KCNK13: variants seen among roughly 807,000 people sequenced by gnomAD.
The protein encoded by KCNK13 is potassium two pore domain channel subfamily K member 13, also known as potassium channel subfamily K member 13.
Under a neutral mutation model 23.4 loss-of-function variants are expected in KCNK13, and 12 were observed. That is an observed-to-expected ratio of 0.51 (90% CI 0.33 to 0.83). KCNK13 has a LOEUF of 0.83. KCNK13 is among the 40% of genes least tolerant of loss of function. The pLI is 0.02. For synonymous variants in KCNK13, 231 were observed against 229.5 expected (o/e 1.01, Z -0.06); for missense variants, 463 against 556.3 (o/e 0.83, Z 1.69).
intron 1 of KCNK13, among the ~76,000 whole-genome samples, chr14:90,125,043 G>A (rs1889780198): frequency 6.6e-6 from 1 of 152,086 alleles, no homozygotes; most frequent in Non-Finnish European, 1.5e-5. Flanking sequence ...CCAGCTAAAA[G>A]GAGAATGAAG....
rs75589521 is a variant in KCNK13 at position 90,133,228 on chromosome 14, C to A, written c.335-50883C>A. On this transcript the variant is annotated intron_variant, in intron 1 of 1. Coordinates refer to ENST00000282146, the MANE Select transcript of KCNK13 (RefSeq NM_022054.4). Reference sequence around the variant, plus strand: ...ATTACTAGTCTCATTTTGTACGTGACAAATCAGGCACAGACCTCAAAAACA... The same window carrying A: ...ATTACTAGTCTCATTTTGTACGTGAAAAATCAGGCACAGACCTCAAAAACA... Among the ~76,000 whole-genome samples, 730 of 152,280 alleles carry A rather than the reference C, an allele frequency of 4.8e-3. 8 individuals carry two copies. Among genetic ancestry groups the A allele is most frequent in the African/African-American group, 0.017 (697 of 41,552 alleles).
At chr14:90,127,753 A>C (rs1235717797) in intron 1 of KCNK13, among the ~76,000 whole-genome samples, 1 of 142,488 alleles carries the variant, frequency 7.0e-6, no homozygotes, top group African/African-American at 2.6e-5. Context: ...CAGGAGTTCG[A>C]GGCTGCAGTG....
intron 1 of KCNK13, among the ~76,000 whole-genome samples, chr14:90,157,379 A>G (rs1322760442): frequency 3.9e-5 from 6 of 152,128 alleles, no homozygotes; most frequent in Non-Finnish European, 8.8e-5. Context: ...CCACGAAAAA[A>G]AAGTGTCGGC....
At chr14:90,081,598 A>G (rs903924523) in intron 1 of KCNK13, among the ~76,000 whole-genome samples, 4 of 152,214 alleles carry the variant, frequency 2.6e-5, no homozygotes, top group Non-Finnish European at 4.4e-5. Flanking sequence ...ACATACCATA[A>G]AATTCATCTA....
intron 1 of KCNK13, among the ~76,000 whole-genome samples, chr14:90,118,380 T>A (rs1276250649): frequency 6.6e-6 from 1 of 152,202 alleles, no homozygotes; most frequent in African/African-American, 2.4e-5. Flanking sequence ...GAACTTAAGA[T>A]GCAACAGTTA....
At chr14:90,171,850 T>A (rs1386483048) in intron 1 of KCNK13, among the ~76,000 whole-genome samples, 2 of 152,204 alleles carry the variant, frequency 1.3e-5, no homozygotes, top group African/African-American at 4.8e-5. Context: ...GACTTTTCCC[T>A]TTAGCTTAGT....
At chr14:90,140,971 G>A (rs1889998828) in intron 1 of KCNK13, among the ~76,000 whole-genome samples, 1 of 152,166 alleles carries the variant, frequency 6.6e-6, no homozygotes, top group African/African-American at 2.4e-5. Flanking sequence ...TTGTTTCTCA[G>A]CTGACCAATT....
At position 90,080,515 on chromosome 14, in the gene KCNK13, G is replaced by A. The variant is rs563220782; in HGVS notation, c.334+17976G>A. Reference sequence around the variant, plus strand: ...AAAAAGAAGTATGACGCTCAGGAAAGAGGTTAGGACTAGAGGTTCCAGATG... The same window carrying A: ...AAAAAGAAGTATGACGCTCAGGAAAAAGGTTAGGACTAGAGGTTCCAGATG... On this transcript the variant is annotated intron_variant, in intron 1 of 1. Transcript: ENST00000282146. 1.4e-4 allele frequency among the ~76,000 whole-genome samples: 21 copies of A among 152,136 alleles called. No homozygotes were observed. In the South Asian group the frequency reaches 4.4e-3, roughly 32 times the overall value.
chr14:90,154,494 C>T (rs571074717), intron 1 of KCNK13, among the ~76,000 whole-genome samples: 3 of 152,332 alleles, frequency 2.0e-5, no homozygotes, highest in East Asian at 1.9e-4. Context: ...TGCTCTCTTA[C>T]CCACAATGCT....
At chr14:90,068,324 GT>G (rs202115461) in intron 1 of KCNK13, among the ~76,000 whole-genome samples, 2,549 of 152,232 alleles carry the variant, frequency 0.017, 35 homozygotes, top group Non-Finnish European at 0.021. Context: ...GCCCAGCGGG[GT>G]GGCTCATGCC....
chr14:90,160,699 C>G (rs1282040388), intron 1 of KCNK13, among the ~76,000 whole-genome samples: 1 of 151,686 alleles, frequency 6.6e-6, no homozygotes, highest in Non-Finnish European at 1.5e-5. Flanking sequence ...AAAAATTAGC[C>G]GGGCATGGTG....
At chr14:90,085,668 A>G (rs1889262768) in intron 1 of KCNK13, among the ~76,000 whole-genome samples, 1 of 142,242 alleles carries the variant, frequency 7.0e-6, no homozygotes, top group African/African-American at 2.6e-5. Flanking sequence ...TCAAAAAAAA[A>G]TATATATATA....
intron 1 of KCNK13, among the ~76,000 whole-genome samples, chr14:90,088,450 A>G (rs1889306663): frequency 6.6e-6 from 1 of 152,250 alleles, no homozygotes; most frequent in Non-Finnish European, 1.5e-5. Flanking sequence ...GGCAGAAGGC[A>G]GAATAGAGAA....
chr14:90,123,928 A>G (rs897622634), intron 1 of KCNK13, among the ~76,000 whole-genome samples: 7 of 152,172 alleles, frequency 4.6e-5, no homozygotes, highest in African/African-American at 1.7e-4. Context: ...ACAGATAGCA[A>G]TGCCTCCAGA....
chr14:90,106,457 T>C (rs1387446699), intron 1 of KCNK13, among the ~76,000 whole-genome samples: 1 of 151,142 alleles, frequency 6.6e-6, no homozygotes, highest in East Asian at 2.0e-4. Flanking sequence ...TGCCTGTAAT[T>C]CCAGCTACTC....
At chr14:90,119,783 A>T (rs1040694287) in intron 1 of KCNK13, among the ~76,000 whole-genome samples, 1 of 152,164 alleles carries the variant, frequency 6.6e-6, no homozygotes, top group Admixed American at 6.5e-5. Context: ...TATTTTTAGT[A>T]GAGAGAAGGT....
At chr14:90,161,286 G>T (rs938478525) in intron 1 of KCNK13, among the ~76,000 whole-genome samples, 3 of 152,216 alleles carry the variant, frequency 2.0e-5, no homozygotes, top group African/African-American at 4.8e-5. Context: ...AATAGAGGCT[G>T]CCGCAGTGGG....
At chr14:90,112,692 A>G (rs529545147) in intron 1 of KCNK13, among the ~76,000 whole-genome samples, 1 of 152,222 alleles carries the variant, frequency 6.6e-6, no homozygotes, top group African/African-American at 2.4e-5. Flanking sequence ...AAAAATGCAC[A>G]TGGTAAAATT....
intron 1 of KCNK13, among the ~76,000 whole-genome samples, chr14:90,088,023 G>A (rs953108339): frequency 1.3e-5 from 2 of 151,960 alleles, no homozygotes; most frequent in African/African-American, 4.8e-5. Context: ...TAATTTTTGA[G>A]ACAGAGTCTC....
Sources: allele counts gnomAD v4.1 joint callset (sites outside exome capture counted in the v4.1 genomes callset), GRCh38; gene constraint gnomAD v4.1.1; transcripts MANE v1.5; gene names NCBI Gene and HGNC (gene_info 2026-07-23, HGNC 2026-07-21).